Variants in NDST3 observed in about 807,000 individuals in gnomAD.
The protein encoded by NDST3 is bifunctional heparan sulfate N-deacetylase/N-sulfotransferase 3.
A neutral mutation model predicts 96.1 loss-of-function variants in NDST3; 58 were observed. That is an observed-to-expected ratio of 0.60 (90% CI 0.49 to 0.75). NDST3 has a LOEUF of 0.75. Ranked by LOEUF, NDST3 falls within the 30% of genes least tolerant of loss-of-function variation. The pLI, the probability that NDST3 is intolerant of heterozygous loss-of-function variation, is 0.00. For synonymous variants in NDST3, 333 were observed against 359.7 expected (o/e 0.93, Z 0.84); for missense variants, 788 against 1,034.2 (o/e 0.76, Z 3.27).
At chr4:118,179,748 A>G (rs1210756374) in intron 6 of NDST3, among the ~76,000 whole-genome samples, 2 of 152,082 alleles carry the variant, frequency 1.3e-5, no homozygotes, top group Non-Finnish European at 2.9e-5. Context: ...CCAGAAAAAA[A>G]ACTCAAGTAA....
intron 12 of NDST3, among the ~76,000 whole-genome samples, chr4:118,247,531 G>A (rs1018897976): frequency 2.6e-5 from 4 of 151,882 alleles, no homozygotes; most frequent in Non-Finnish European, 5.9e-5. Flanking sequence ...CAGCCTGGGC[G>A]ACAAGAGTGA....
chr4:118,242,015 T>C, intron 11 of NDST3, 25 bp from the exon 12 acceptor site: 11 of 1,502,612 alleles, frequency 7.3e-6, no homozygotes, highest in Non-Finnish European at 1.0e-5. Flanking sequence ...TTTTTCAATG[T>C]GCATTTTTTT....
intron 1 of NDST3, among the ~76,000 whole-genome samples, chr4:118,049,943 T>G (rs1473216204): frequency 6.6e-6 from 1 of 151,942 alleles, no homozygotes; most frequent in African/African-American, 2.4e-5. Context: ...AAAAAAAACT[T>G]AGGCCAATAT....
chr4:118,143,754 G>T, intron 6 of NDST3, 70 bp downstream of exon 6: 1 of 1,499,674 alleles, frequency 6.7e-7, no homozygotes, highest in Non-Finnish European at 8.9e-7. Context: ...TGGCAAAGAG[G>T]CTAGGGATTG....
At chr4:118,194,240 A>G (rs1435405605) in intron 6 of NDST3, 3 of 723,624 alleles carry the variant, frequency 4.1e-6, no homozygotes, top group African/African-American at 3.5e-5. Flanking sequence ...TTCCAGTGCA[A>G]TCTCCATGAT....
chr4:118,195,677 A>C (rs768479501), intron 6 of NDST3, among the ~76,000 whole-genome samples: 23 of 152,238 alleles, frequency 1.5e-4, no homozygotes, highest in African/African-American at 5.5e-4. Context: ...GCATATACAA[A>C]TGCTACTGAT....
intron 6 of NDST3, among the ~76,000 whole-genome samples, chr4:118,223,396 G>A (rs1454423272): frequency 1.3e-5 from 2 of 151,918 alleles, no homozygotes; most frequent in Non-Finnish European, 2.9e-5. Context: ...TGACTGCATT[G>A]GTCTGCTGGT....
intron 5 of NDST3, among the ~76,000 whole-genome samples, chr4:118,143,103 T>C (rs1733685031): frequency 6.6e-6 from 1 of 152,168 alleles, no homozygotes; most frequent in Non-Finnish European, 1.5e-5. Context: ...AGAAGCACAT[T>C]GAGTTGATAA....
chr4:118,244,768 CT>C (rs1028847750), intron 12 of NDST3, among the ~76,000 whole-genome samples: 5 of 152,048 alleles, frequency 3.3e-5, no homozygotes, highest in South Asian at 2.1e-4. Flanking sequence ...GTTGTTTATT[CT>C]TTTCCACAAG....
At chr4:118,083,477 G>A (rs1003626926) in intron 2 of NDST3, among the ~76,000 whole-genome samples, 3 of 152,070 alleles carry the variant, frequency 2.0e-5, no homozygotes, top group Non-Finnish European at 4.4e-5. Flanking sequence ...CTCCATAAAT[G>A]TTAATTTTAA....
rs534822964 is a variant in NDST3 at position 118,050,622 on chromosome 4, C to T, written c.-155-3134C>T. On this transcript the variant is annotated intron_variant, in intron 1 of 13. Coordinates refer to ENST00000296499, the MANE Select transcript of NDST3 (RefSeq NM_004784.3). ...CCAATGAAGAATACAATCCCATGTA[C>T]AATAGCCACAAATAAAATGAAATAT... Among the ~76,000 whole-genome samples, 23 of 151,970 alleles carry T rather than the reference C, an allele frequency of 1.5e-4. No homozygotes were observed. In the South Asian group the frequency reaches 4.6e-3, roughly 30 times the overall value.
chr4:118,113,515 G>A (rs1730813582), intron 3 of NDST3, among the ~76,000 whole-genome samples: 1 of 152,142 alleles, frequency 6.6e-6, no homozygotes, highest in Admixed American at 6.5e-5. Flanking sequence ...AAATCTCATA[G>A]TATGCCTTTA....
intron 1 of NDST3, among the ~76,000 whole-genome samples, chr4:118,050,528 G>T (rs1339093416): frequency 6.6e-6 from 1 of 151,996 alleles, no homozygotes; most frequent in Non-Finnish European, 1.5e-5. Flanking sequence ...AAAGTTTCAG[G>T]ATACAAAATC....
At chr4:118,215,704 C>T (rs541772416) in intron 6 of NDST3, among the ~76,000 whole-genome samples, 1 of 151,942 alleles carries the variant, frequency 6.6e-6, no homozygotes, top group African/African-American at 2.4e-5. Context: ...AAAGTAGATG[C>T]GATGAAAAGC....
chr4:118,135,416 G>A (rs188670256), intron 4 of NDST3, among the ~76,000 whole-genome samples: 11 of 152,164 alleles, frequency 7.2e-5, no homozygotes, highest in Non-Finnish European at 1.3e-4. Context: ...ATACTTGAGT[G>A]GTAGGATCAT....
chr4:118,184,829 A>ACATGTG (rs1465154636), intron 6 of NDST3, among the ~76,000 whole-genome samples: 4 of 152,152 alleles, frequency 2.6e-5, no homozygotes, highest in Middle Eastern at 3.2e-3. Flanking sequence ...CTGCATTTTC[A>ACATGTG]CATGTGCCCT....
intron 2 of NDST3, among the ~76,000 whole-genome samples, chr4:118,061,353 C>T (rs976715757): frequency 6.6e-6 from 1 of 152,228 alleles, no homozygotes; most frequent in African/African-American, 2.4e-5. Context: ...CTAAATCTCC[C>T]ATCTTTCCCT....
intron 2 of NDST3, among the ~76,000 whole-genome samples, chr4:118,082,815 C>T (rs1394545835): frequency 2.0e-5 from 3 of 152,084 alleles, no homozygotes; most frequent in Non-Finnish European, 4.4e-5. Flanking sequence ...ATTGACTCAC[C>T]GTTCCATGGG....
At chr4:118,043,849 A>C (rs1724602770) in intron 1 of NDST3, among the ~76,000 whole-genome samples, 1 of 152,260 alleles carries the variant, frequency 6.6e-6, no homozygotes, top group Non-Finnish European at 1.5e-5. Context: ...AAAGGTTTGC[A>C]GAAAACAGGA....
Sources: allele counts gnomAD v4.1 joint callset (sites outside exome capture counted in the v4.1 genomes callset), GRCh38; gene constraint gnomAD v4.1.1; transcripts MANE v1.5; gene names NCBI Gene and HGNC (gene_info 2026-07-23, HGNC 2026-07-21).